The following ZBTB7C variants were observed in gnomAD, a reference collection of about 807,000 sequenced individuals.
ZBTB7C encodes zinc finger and BTB domain containing 7C.
In ZBTB7C, 8 loss-of-function variants were observed where a neutral mutation model predicts 25.7. That is an observed-to-expected ratio of 0.31 (90% confidence interval 0.18 to 0.56). The LOEUF is 0.56. Ranked by LOEUF, ZBTB7C falls within the 20% of genes least tolerant of loss-of-function variation. ZBTB7C has a pLI of 0.91. For missense variants in ZBTB7C, 824 were observed against 855.2 expected, an observed-to-expected ratio of 0.96 and a Z score of 0.46; for synonymous variants, 394 against 369.0, an observed-to-expected ratio of 1.07 and a Z score of -0.78.
intron 3 of ZBTB7C, among the ~76,000 whole-genome samples, chr18:48,043,006 G>C (rs1320987512): frequency 6.6e-6 from 1 of 152,182 alleles, no homozygotes; most frequent in Non-Finnish European, 1.5e-5. Context: ...TGAGCCATTA[G>C]GGAAATTCAA....
At chr18:48,042,768 A>C (rs1226377091) in intron 3 of ZBTB7C, among the ~76,000 whole-genome samples, 2 of 152,212 alleles carry the variant, frequency 1.3e-5, no homozygotes, top group Non-Finnish European at 1.5e-5. Context: ...AAAGGGCCAG[A>C]GACCCTGGCA....
In ZBTB7C at chr18:48,391,124, T is replaced by C. The variant is rs184742084; in HGVS notation, c.-304+18102A>G. Among the ~76,000 whole-genome samples the C allele has an allele frequency of 9.2e-5, 14 of 152,292 alleles. No homozygotes were observed. In the East Asian group the frequency reaches 2.7e-3, roughly 29 times the overall value. ...GGAGCTTCAAAATTCCTTCCAACAC[T>C]GGTGCTCCACTCCAGAGAAGTAAAA... is the stretch of plus-strand genomic sequence containing the variant. On this transcript the variant is annotated intron_variant, in intron 1 of 4. Coordinates refer to ENST00000590800, the MANE Select transcript of ZBTB7C (RefSeq NM_001318841.2).
intron 1 of ZBTB7C, among the ~76,000 whole-genome samples, chr18:48,355,034 C>T (rs2046945687): frequency 6.6e-6 from 1 of 152,188 alleles, no homozygotes; most frequent in South Asian, 2.1e-4. Context: ...ACATCCCTTC[C>T]CTGCTCTGCC....
chr18:48,389,231 TCTCTCGTGTG>T (rs2047831152), intron 1 of ZBTB7C, among the ~76,000 whole-genome samples: 1 of 70,202 alleles, frequency 1.4e-5, no homozygotes. Flanking sequence ...TCTCTCTCTC[TCTCTCGTGTG>T]TGTGTGTGTG....
Position 48,029,529 on chromosome 18 carries a change from C to T in ZBTB7C, c.1591G>A (p.Ala531Thr), listed in dbSNP as rs774282531. 13 of 1,574,994 alleles carry T rather than the reference C, an allele frequency of 8.3e-6. No individual in the cohort carries two copies. The East Asian group carries it at 9.4e-5, about 11-fold the overall frequency. The change falls in exon 5 of 5, where the codon GCC becomes ACC. Residue 531 changes from alanine (A) to threonine (T), a missense_variant. Physicochemically the swap from Ala to Thr is moderately conservative, Grantham distance 58. Coordinates refer to ENST00000590800, the MANE Select transcript of ZBTB7C (RefSeq NM_001318841.2). The part of the protein sequence containing the change: ...AAVCLPGPSP[A>T]KHFLAAPKGA... ...TTGGGCGCTGCCAGGAAGTGCTTGG[C>T]GGGGCTGGGGCCCGGGAGGCACACA... is the stretch of plus-strand genomic sequence containing the variant.
chr18:48,380,733 A>G (rs2047617172), intron 1 of ZBTB7C, among the ~76,000 whole-genome samples: 1 of 152,192 alleles, frequency 6.6e-6, no homozygotes, highest in African/African-American at 2.4e-5. Flanking sequence ...CATTAAGGGA[A>G]AACTAAGAAA....
chr18:48,189,942 T>G (rs2042153351), intron 2 of ZBTB7C, among the ~76,000 whole-genome samples: 1 of 152,208 alleles, frequency 6.6e-6, no homozygotes, highest in Admixed American at 6.5e-5. Context: ...CTCCTGGCTC[T>G]TCCCGACAGG....
chr18:48,208,607 C>T (rs1050680663), intron 2 of ZBTB7C, among the ~76,000 whole-genome samples: 8 of 152,058 alleles, frequency 5.3e-5, no homozygotes, highest in African/African-American at 1.7e-4. Flanking sequence ...CTTAAGATTT[C>T]CACCCACTAA....
chr18:48,169,240 A>G (rs926762696), intron 3 of ZBTB7C, among the ~76,000 whole-genome samples: 4 of 152,190 alleles, frequency 2.6e-5, no homozygotes, highest in Non-Finnish European at 4.4e-5. Context: ...CTCTTCCATA[A>G]AATGGGCACA....
At chr18:48,144,494 C>T (rs556160899) in intron 3 of ZBTB7C, among the ~76,000 whole-genome samples, 3 of 152,030 alleles carry the variant, frequency 2.0e-5, no homozygotes, top group African/African-American at 7.3e-5. Context: ...CAGGTGCACA[C>T]CACCATGCCT....
rs564171165 is a variant in ZBTB7C at position 48,054,368 on chromosome 18, C to T, written c.-16-13245G>A. Among the ~76,000 whole-genome samples the T allele has an allele frequency of 4.9e-4, 74 of 152,274 alleles. 2 individuals carry two copies. The South Asian group carries it at 0.015, about 31-fold the overall frequency. ...GGCCACTCCCCTGCCCTTCTCTACC[C>T]CAGACCTCCATGTGGGATCTGGCCG... On this transcript the variant is annotated intron_variant, in intron 3 of 4. Transcript: ENST00000590800.
intron 1 of ZBTB7C, among the ~76,000 whole-genome samples, chr18:48,382,603 T>A (rs2047657781): frequency 1.3e-5 from 2 of 152,208 alleles, no homozygotes; most frequent in Non-Finnish European, 2.9e-5. Flanking sequence ...CTCAGTCAAC[T>A]CTGTATTATT....
At chr18:48,044,494 C>T (rs2036388791) in intron 3 of ZBTB7C, among the ~76,000 whole-genome samples, 1 of 152,248 alleles carries the variant, frequency 6.6e-6, no homozygotes. Flanking sequence ...GCTGCCATGC[C>T]CCAAGAAGGC....
intron 2 of ZBTB7C, among the ~76,000 whole-genome samples, chr18:48,280,587 C>T (rs1230833712): frequency 6.6e-6 from 1 of 152,130 alleles, no homozygotes; most frequent in Admixed American, 6.5e-5. Context: ...TCTGCACAAC[C>T]CTGTGACTAG....
chr18:48,398,234 C>A (rs1342996291), intron 1 of ZBTB7C, among the ~76,000 whole-genome samples: 1 of 152,256 alleles, frequency 6.6e-6, no homozygotes, highest in African/African-American at 2.4e-5. Flanking sequence ...TTCTTCCACA[C>A]AGCAAGGATG....
At chr18:48,361,132 T>C (rs1244625160) in intron 1 of ZBTB7C, among the ~76,000 whole-genome samples, 1 of 152,120 alleles carries the variant, frequency 6.6e-6, no homozygotes, top group Non-Finnish European at 1.5e-5. Context: ...GACCCAGGAC[T>C]ACGAACATCT....
At chr18:48,214,684 G>C (rs760818692) in intron 2 of ZBTB7C, among the ~76,000 whole-genome samples, 1 of 152,166 alleles carries the variant, frequency 6.6e-6, no homozygotes, top group Non-Finnish European at 1.5e-5. Context: ...CACTCTGTTA[G>C]CTCGCTCTTG....
chr18:48,236,990 G>A (rs1379657973), intron 2 of ZBTB7C, among the ~76,000 whole-genome samples: 1 of 152,172 alleles, frequency 6.6e-6, no homozygotes, highest in Non-Finnish European at 1.5e-5. Context: ...GAGGGGAAAG[G>A]GCAAGGGTGG....
At chr18:48,210,604 G>C (rs114952198) in intron 2 of ZBTB7C, among the ~76,000 whole-genome samples, 1,544 of 152,268 alleles carry the variant, frequency 0.01, 16 homozygotes, top group African/African-American at 0.036. Flanking sequence ...TACATGTCCA[G>C]CAAAGGCAAA....
Sources: gnomAD v4.1 joint callset for allele counts (sites outside exome capture counted in the v4.1 genomes callset) on GRCh38, gnomAD v4.1.1 for gene constraint, MANE v1.5 for transcripts, NCBI Gene and HGNC (gene_info 2026-07-23, HGNC 2026-07-21) for gene names.